The following NMS variants were observed in gnomAD, a reference collection of about 807,000 sequenced individuals.
The protein encoded by NMS is neuromedin S.
A neutral mutation model predicts 32.2 loss-of-function variants in NMS; 30 were observed. The ratio of observed to expected loss-of-function variants is 0.93; its 90% CI spans 0.70 to 1.26. The LOEUF is 1.26. Among genes scored for constraint, NMS ranks in the 50% most tolerant of loss-of-function variants. The pLI is 0.00. For missense variants in NMS, 190 were observed against 186.3 expected (o/e 1.02, Z -0.12); for synonymous variants, 76 against 58.5 (o/e 1.30, Z -1.37).
rs143481338 is a variant in NMS, at chr2:100,472,714, C to T, written c.77-81C>T. 3.2e-4 allele frequency: 279 copies of T among 864,570 alleles called. 2 individuals carry two copies. The East Asian group carries it at 5.9e-3, about 18-fold the overall frequency. 53.6% of individuals were successfully genotyped at this position (864,570 alleles called of 1,614,324 possible). ...GTGGTTTATTATTTTAACAGAATGT[C>T]TGTTTTTCATGATAAAGACTTTGAA... is the stretch of plus-strand genomic sequence containing the variant. On this transcript the variant is annotated intron_variant, in intron 1 of 9. Coordinates refer to ENST00000376865, the MANE Select transcript of NMS (RefSeq NM_001011717.1).
rs1195040958 is a variant in NMS, at chr2:100,479,321, T to C, written c.262-32T>C. 3 of 1,564,322 alleles carry C rather than the reference T, an allele frequency of 1.9e-6. No homozygotes were observed. In the African/African-American group the frequency reaches 4.1e-5, roughly 21 times the overall value. ...AAATACCCCTCTGTGGATGTCCCCCTGTCTGACCCTCTCCGCGCCTGTCTG... is the reference window on the plus strand; with the variant it reads ...AAATACCCCTCTGTGGATGTCCCCCCGTCTGACCCTCTCCGCGCCTGTCTG... On this transcript the variant is annotated intron_variant, in intron 5 of 9. Transcript: ENST00000376865.
At position 100,479,392 on chromosome 2, in the gene NMS, C is replaced by T. The variant is rs777763390; in HGVS notation, c.301C>T (p.Leu101Phe). ...VHPLMHLAAK[L>F]ANRRMKRILQ... ...TCCTCTAATGCACCTGGCTGCCAAG[C>T]TCGCCAACAGGCGGATGAAGAGAAT... The change falls in exon 6 of 10, where the codon CTC becomes TTC. Residue 101 changes from leucine to phenylalanine, a missense_variant. Physicochemically the swap from Leu to Phe is conservative, Grantham distance 22. Transcript: ENST00000376865. 1.2e-6 allele frequency: 2 copies of T among 1,611,322 alleles called. No individual in the cohort carries two copies. Among genetic ancestry groups the T allele is most frequent in the Non-Finnish European group, 1.7e-6 (2 of 1,178,866 alleles).
chr2:100,480,467 G>T, intron 6 of NMS, 29 bp from the exon 7 acceptor site: 2 of 1,612,636 alleles, frequency 1.2e-6, no homozygotes, highest in South Asian at 1.1e-5. Flanking sequence ...GGTTCCTGTT[G>T]AATTAACCTG....
At chr2:100,472,122 C>T (rs1328557216) in intron 1 of NMS, among the ~76,000 whole-genome samples, 2 of 152,148 alleles carry the variant, frequency 1.3e-5, no homozygotes, top group Non-Finnish European at 1.5e-5. Flanking sequence ...CCATACATTC[C>T]CTGTTCCACA....
At chr2:100,482,658 GAAAC>G (rs1447420048) in intron 9 of NMS, among the ~76,000 whole-genome samples, 1 of 152,166 alleles carries the variant, frequency 6.6e-6, no homozygotes, top group Non-Finnish European at 1.5e-5. Context: ...CCTTGATAAG[GAAAC>G]ACCACCCTGT....
chr2:100,475,130 T>A (rs1677085407), intron 3 of NMS, among the ~76,000 whole-genome samples: 1 of 152,178 alleles, frequency 6.6e-6, no homozygotes. Context: ...TCCAAGTCTA[T>A]CCCATTCATT....
chr2:100,477,370 C>T lies in NMS; in HGVS notation c.217C>T (p.His73Tyr). ...NQDIYKRFLF[H>Y]YSRTQEATHP... is the part of the protein sequence containing the mutation. ...TTCTTTTCTTATTTAGTTTTTGTTT[C>T]ACTACTCCAGAACTCAGGAGGCAAC... Residue 73 changes from histidine (H) to tyrosine (Y), a missense_variant, in exon 5 of 10, where the codon CAC (histidine) becomes TAC (tyrosine). By Grantham distance (83) the His-to-Tyr change is moderately conservative. Transcript: ENST00000376865. The T allele has an allele frequency of 1.2e-6, 2 of 1,613,204 alleles. No individual in the cohort carries two copies.
chr2:100,481,774 A>G (rs541573576), intron 8 of NMS, among the ~76,000 whole-genome samples: 1 of 152,242 alleles, frequency 6.6e-6, no homozygotes, highest in Non-Finnish European at 1.5e-5. Context: ...ATGTCTCACA[A>G]TACACACTGG....
At chr2:100,473,425 T>C in intron 2 of NMS, 64 bp from the exon 3 acceptor site, 1 of 870,174 alleles carries the variant, frequency 1.1e-6, no homozygotes, top group Non-Finnish European at 1.7e-6. Context: ...TGATTACCCA[T>C]TAATCAATCT....
chr2:100,479,319 C>A, intron 5 of NMS, 34 bp from the exon 6 acceptor site: 2 of 1,549,530 alleles, frequency 1.3e-6, no homozygotes, highest in Non-Finnish European at 1.8e-6. Flanking sequence ...TGGATGTCCC[C>A]CTGTCTGACC....
chr2:100,474,965 C>A (rs1047575998), intron 3 of NMS, among the ~76,000 whole-genome samples: 1 of 152,140 alleles, frequency 6.6e-6, no homozygotes, highest in African/African-American at 2.4e-5. Flanking sequence ...TTTCCCTATC[C>A]CTCAGGTGAA....
At chr2:100,471,356 T>G (rs915551533) in intron 1 of NMS, among the ~76,000 whole-genome samples, 2 of 152,192 alleles carry the variant, frequency 1.3e-5, no homozygotes, top group African/African-American at 4.8e-5. Context: ...ACAATATGTT[T>G]GTTTGTCATG....
chr2:100,479,677 TCTC>T (rs896529910), intron 6 of NMS, among the ~76,000 whole-genome samples: 2 of 152,092 alleles, frequency 1.3e-5, no homozygotes, highest in Admixed American at 1.3e-4. Context: ...CTTCCATCCC[TCTC>T]CTCTTCTGCT....
intron 3 of NMS, among the ~76,000 whole-genome samples, chr2:100,473,943 C>T (rs1410039087): frequency 1.3e-5 from 2 of 152,018 alleles, no homozygotes; most frequent in Admixed American, 1.3e-4. Flanking sequence ...TTTGGGAGGC[C>T]GAGCTGGGCA....
At chr2:100,477,223 C>T in intron 3 of NMS, 21 bp from the exon 4 acceptor site, 1 of 1,611,162 alleles carries the variant, frequency 6.2e-7, no homozygotes, top group Non-Finnish European at 8.5e-7. Flanking sequence ...ATCTAACTTA[C>T]CCTCACAATT....
At chr2:100,478,466 G>A (rs868578467) in intron 5 of NMS, among the ~76,000 whole-genome samples, 1 of 151,930 alleles carries the variant, frequency 6.6e-6, no homozygotes, top group Admixed American at 6.5e-5. Context: ...GAATTTTTTT[G>A]TTTGTTTGTT....
intron 6 of NMS, among the ~76,000 whole-genome samples, 190 bp downstream of exon 6, chr2:100,479,617 C>A (rs1365737471): frequency 6.6e-6 from 1 of 152,188 alleles, no homozygotes; most frequent in African/African-American, 2.4e-5. Context: ...CCACTGAAAC[C>A]CCATGAGGTG....
chr2:100,473,599 T>G (rs1677048242), intron 3 of NMS, 60 bp downstream of exon 3: 5 of 585,398 alleles, frequency 8.5e-6, no homozygotes, highest in Non-Finnish European at 1.3e-5. Flanking sequence ...ACAAACACAC[T>G]CTTTTGCTAC....
At chr2:100,473,293 T>G (rs890102461) in intron 2 of NMS, among the ~76,000 whole-genome samples, 196 bp from the exon 3 acceptor site, 1 of 152,174 alleles carries the variant, frequency 6.6e-6, no homozygotes, top group African/African-American at 2.4e-5. Flanking sequence ...TTCTTTATGC[T>G]GGGAGCATTT....
Sources: gnomAD v4.1 joint callset for allele counts (sites outside exome capture counted in the v4.1 genomes callset) on GRCh38, gnomAD v4.1.1 for gene constraint, MANE v1.5 for transcripts, NCBI Gene and HGNC (gene_info 2026-07-23, HGNC 2026-07-21) for gene names.